The following ATE1 variants were observed in gnomAD, a reference collection of about 807,000 sequenced individuals.
ATE1 encodes the protein arginyl-tRNA--protein transferase 1.
Under a neutral mutation model 70.5 loss-of-function variants are expected in ATE1, and 36 were observed. The ratio of observed to expected loss-of-function variants is 0.51; its 90% CI spans 0.39 to 0.67. The LOEUF (loss-of-function observed/expected upper bound fraction) is 0.67, where lower values mean the gene tolerates loss of function less well. Among genes scored for constraint, ATE1 ranks in the 30% least tolerant of loss-of-function variants. The pLI is 0.00. For synonymous variants in ATE1, 232 were observed against 219.3 expected (o/e 1.06, Z -0.51); for missense variants, 593 against 629.5 (o/e 0.94, Z 0.62).
intron 5 of ATE1, among the ~76,000 whole-genome samples, chr10:121,903,132 ACCCAC>A (rs1951053848): frequency 9.0e-6 from 1 of 110,524 alleles, no homozygotes; most frequent in Non-Finnish European, 2.2e-5. Flanking sequence ...CTCGTGATTC[ACCCAC>A]CTTGGCCTCC....
intron 1 of ATE1, among the ~76,000 whole-genome samples, chr10:121,924,617 A>G (rs1952013443): frequency 6.6e-6 from 1 of 151,096 alleles, no homozygotes; most frequent in Non-Finnish European, 1.5e-5. Flanking sequence ...GGAGAATCAC[A>G]TGAACTCGGG....
rs561977055 is a variant in ATE1, at chr10:121,857,212, A to G, written c.975+12794T>C. On this transcript the variant is annotated intron_variant, in intron 8 of 11. Coordinates refer to ENST00000224652, the MANE Select transcript of ATE1 (RefSeq NM_001001976.3). ...GGTTTGGGATACAAATGGTCCCAAC[A>G]CCCAGGTAGTTAAGCCTAGTACCCA... 2.0e-5 allele frequency among the ~76,000 whole-genome samples: 3 copies of G among 152,296 alleles called. No homozygotes were observed. The East Asian group carries it at 5.8e-4, about 29-fold the overall frequency.
chr10:121,877,567 A>T (rs1006842555), intron 7 of ATE1, among the ~76,000 whole-genome samples: 4 of 152,188 alleles, frequency 2.6e-5, no homozygotes, highest in African/African-American at 9.7e-5. Flanking sequence ...AATAAGGAAA[A>T]AACACAAGAA....
At chr10:121,870,170 A>T (rs1590574817) in intron 7 of ATE1, 132 bp from the exon 8 acceptor site, 1 of 796,516 alleles carries the variant, frequency 1.3e-6, no homozygotes, top group East Asian at 2.7e-5. Context: ...ATTATAGAAA[A>T]TTAATGTGTC....
At chr10:121,753,406 C>G (rs1316187619) in intron 11 of ATE1, among the ~76,000 whole-genome samples, 1 of 152,138 alleles carries the variant, frequency 6.6e-6, no homozygotes, top group Non-Finnish European at 1.5e-5. Flanking sequence ...ACAACATTGG[C>G]TCCCAAAAGT....
chr10:121,846,583 G>A (rs921786360), intron 8 of ATE1: 1 of 152,200 alleles, frequency 6.6e-6, no homozygotes. Flanking sequence ...CATTGGTGGT[G>A]TTAAAATGCT....
chr10:121,848,007 G>C (rs1313278401), intron 8 of ATE1, among the ~76,000 whole-genome samples: 2 of 152,054 alleles, frequency 1.3e-5, no homozygotes, highest in Non-Finnish European at 1.5e-5. Flanking sequence ...GGAGGCGGAG[G>C]TTGCAGTGAG....
At chr10:121,896,224 G>A (rs1269092035) in intron 7 of ATE1, among the ~76,000 whole-genome samples, 6 of 152,268 alleles carry the variant, frequency 3.9e-5, no homozygotes, top group Admixed American at 3.3e-4. Flanking sequence ...ACATTCCACA[G>A]GTGGTGGTTT....
intron 11 of ATE1, among the ~76,000 whole-genome samples, chr10:121,758,076 G>C (rs1394118793): frequency 1.3e-5 from 2 of 152,220 alleles, no homozygotes; most frequent in Non-Finnish European, 2.9e-5. Context: ...AAATAGGATA[G>C]AGTCCTGAGA....
intron 8 of ATE1, among the ~76,000 whole-genome samples, chr10:121,869,097 A>G (rs1949763671): frequency 6.6e-6 from 1 of 152,240 alleles, no homozygotes; most frequent in African/African-American, 2.4e-5. Context: ...GAAGCCTAAG[A>G]GGAGAACACA....
intron 7 of ATE1, among the ~76,000 whole-genome samples, chr10:121,895,681 C>T (rs1286193368): frequency 1.3e-5 from 2 of 152,038 alleles, no homozygotes; most frequent in African/African-American, 4.8e-5. Context: ...GGTGCAGTGG[C>T]TCACATCTGT....
chr10:121,770,420 A>T (rs1157732366), intron 11 of ATE1, among the ~76,000 whole-genome samples: 1 of 152,300 alleles, frequency 6.6e-6, no homozygotes, highest in African/African-American at 2.4e-5. Context: ...ATAATCTGAG[A>T]TTAGCAAAGG....
intron 7 of ATE1, among the ~76,000 whole-genome samples, chr10:121,883,154 C>A (rs893779505): frequency 2.0e-4 from 31 of 152,088 alleles, no homozygotes; most frequent in African/African-American, 7.5e-4. Context: ...ATACTTCCAA[C>A]CCTCCTTTAT....
chr10:121,799,790 T>C (rs1331844406), intron 10 of ATE1, among the ~76,000 whole-genome samples: 2 of 152,228 alleles, frequency 1.3e-5, no homozygotes, highest in Non-Finnish European at 1.5e-5. Flanking sequence ...AATTACATTA[T>C]GGTTTCTTTT....
chr10:121,897,151 T>G (rs1329182764), intron 7 of ATE1, among the ~76,000 whole-genome samples: 1 of 152,180 alleles, frequency 6.6e-6, no homozygotes, highest in Non-Finnish European at 1.5e-5. Context: ...TGCATACCTG[T>G]CTACCACCCC....
chr10:121,869,977 T>C (rs1462762732), intron 8 of ATE1, 29 bp downstream of exon 8: 5 of 1,575,420 alleles, frequency 3.2e-6, no homozygotes, highest in African/African-American at 2.7e-5. Context: ...TTACCAATTC[T>C]AATATTAAGG....
At chr10:121,812,947 T>C (rs926949440) in intron 10 of ATE1, among the ~76,000 whole-genome samples, 1 of 152,218 alleles carries the variant, frequency 6.6e-6, no homozygotes, top group Non-Finnish European at 1.5e-5. Flanking sequence ...GTTTCTTAGA[T>C]AGGACAGTCG....
intron 7 of ATE1, chr10:121,898,800 C>G: frequency 6.2e-7 from 1 of 1,605,588 alleles, no homozygotes; most frequent in Non-Finnish European, 8.5e-7. Flanking sequence ...TACTTCTTCC[C>G]AGACAACCTT....
intron 11 of ATE1, among the ~76,000 whole-genome samples, chr10:121,757,663 T>G (rs754238366): frequency 2.0e-5 from 3 of 152,122 alleles, no homozygotes; most frequent in Non-Finnish European, 2.9e-5. Context: ...TTTAAAACCA[T>G]CAGATTTTGT....
Sources: gnomAD v4.1 joint callset for allele counts (sites outside exome capture counted in the v4.1 genomes callset) on GRCh38, gnomAD v4.1.1 for gene constraint, MANE v1.5 for transcripts, NCBI Gene and HGNC (gene_info 2026-07-23, HGNC 2026-07-21) for gene names.